Variants in MYO5A observed in about 807,000 individuals in gnomAD.
MYO5A encodes unconventional myosin-Va.
A neutral mutation model predicts 249.7 loss-of-function variants in MYO5A; 98 were observed. That is an observed-to-expected ratio of 0.39 (90% CI 0.33 to 0.46). The LOEUF (loss-of-function observed/expected upper bound fraction) is 0.46. Among genes scored for constraint, MYO5A ranks in the 20% least tolerant of loss-of-function variants. The probability of loss-of-function intolerance (pLI) is 0.98; values close to 1 mark genes in which losing one functional copy is unlikely to be tolerated. For synonymous variants in MYO5A, 778 were observed against 810.6 expected (o/e 0.96, Z 0.68); for missense variants, 1,696 against 2,308.8 (o/e 0.73, Z 5.44).
chr15:52,334,233 T>G (rs1383459926), intron 34 of MYO5A, among the ~76,000 whole-genome samples: 1 of 152,220 alleles, frequency 6.6e-6, no homozygotes, highest in Non-Finnish European at 1.5e-5. Flanking sequence ...TGTAAAATAA[T>G]GAATGGCTTT....
At chr15:52,328,750 C>T (rs1211613151) in intron 35 of MYO5A, among the ~76,000 whole-genome samples, 1 of 152,202 alleles carries the variant, frequency 6.6e-6, no homozygotes, top group Non-Finnish European at 1.5e-5. Flanking sequence ...AAATCCTCAC[C>T]ATAGCATAGG....
chr15:52,360,599 T>C (rs1324204581), intron 24 of MYO5A, among the ~76,000 whole-genome samples: 1 of 152,198 alleles, frequency 6.6e-6, no homozygotes, highest in Admixed American at 6.5e-5. Flanking sequence ...TGAAGTTAAA[T>C]CTTTGGAGTG....
Position 52,386,617 on chromosome 15 carries a change from G to A in MYO5A, c.1752+1212C>T, listed in dbSNP as rs537646497. ...GGCTGGAGTACAGTGGCACAATTAC[G>A]GCTCACTGCAGCCTCAACCTCCCAG... On this transcript the variant is annotated intron_variant, in intron 14 of 41. Coordinates refer to ENST00000399233, the MANE Select transcript of MYO5A (RefSeq NM_001382347.1). Among the ~76,000 whole-genome samples, 27 of 151,288 alleles carry A rather than the reference G, an allele frequency of 1.8e-4. 1 individual carries two copies. The South Asian group carries it at 2.5e-3, about 14-fold the overall frequency.
intron 16 of MYO5A, among the ~76,000 whole-genome samples, chr15:52,381,972 G>A (rs944880454): frequency 2.6e-5 from 4 of 152,156 alleles, no homozygotes; most frequent in African/African-American, 9.6e-5. Flanking sequence ...GAGTGATCTC[G>A]GCTCACTGCA....
chr15:52,364,508 T>A (rs1349279236), intron 24 of MYO5A, 46 bp downstream of exon 24: 2 of 1,551,602 alleles, frequency 1.3e-6, no homozygotes, highest in Non-Finnish European at 1.8e-6. Flanking sequence ...CTTTTGTATA[T>A]GTTTAAAATT....
intron 1 of MYO5A, among the ~76,000 whole-genome samples, chr15:52,434,134 G>C (rs959922493): frequency 5.3e-5 from 8 of 151,774 alleles, no homozygotes; most frequent in African/African-American, 1.7e-4. Flanking sequence ...CGAGTAGCTG[G>C]GACTACAGGC....
At position 52,343,098 on chromosome 15, in the gene MYO5A, T is replaced by G. The variant is rs779580905; in HGVS notation, c.4040+19A>C. On this transcript the variant is annotated intron_variant, in intron 31 of 41. Transcript: ENST00000399233. ...AACAACAAATTAATAACATTCCATTTTGAGGAGACAAATATAACCTGTTGG... is the reference window on the plus strand; with the variant it reads ...AACAACAAATTAATAACATTCCATTGTGAGGAGACAAATATAACCTGTTGG... 6.3e-7 allele frequency: 1 copy of G among 1,593,402 alleles called. No homozygotes were observed. Among genetic ancestry groups the G allele is most frequent in the Non-Finnish European group, 8.6e-7 (1 of 1,161,322 alleles).
intron 1 of MYO5A, among the ~76,000 whole-genome samples, chr15:52,484,685 C>T (rs1416443346): frequency 8.5e-5 from 13 of 152,072 alleles, no homozygotes; most frequent in Admixed American, 8.5e-4. Context: ...CGCTCTGTCC[C>T]CCAGGCTGGA....
At chr15:52,469,338 T>C (rs1198350016) in intron 1 of MYO5A, among the ~76,000 whole-genome samples, 1 of 152,310 alleles carries the variant, frequency 6.6e-6, no homozygotes, top group East Asian at 1.9e-4. Context: ...TGTATTAAAA[T>C]ACCATATTTT....
chr15:52,397,854 T>C (rs1336657090), intron 9 of MYO5A, among the ~76,000 whole-genome samples: 2 of 152,150 alleles, frequency 1.3e-5, no homozygotes, highest in Non-Finnish European at 2.9e-5. Flanking sequence ...TTATAGTCAC[T>C]TGGGGAAATG....
At chr15:52,365,357 C>G (rs1387140069) in intron 23 of MYO5A, among the ~76,000 whole-genome samples, 1 of 152,202 alleles carries the variant, frequency 6.6e-6, no homozygotes, top group African/African-American at 2.4e-5. Flanking sequence ...CCTACACCCT[C>G]AGCCCTCTTT....
At chr15:52,339,451 C>T (rs1391177839) in intron 32 of MYO5A, among the ~76,000 whole-genome samples, 1 of 143,568 alleles carries the variant, frequency 7.0e-6, no homozygotes, top group Non-Finnish European at 1.5e-5. Context: ...ATATATTTGT[C>T]AAAAAACTGT....
At chr15:52,490,448 A>G (rs1186566888) in intron 1 of MYO5A, among the ~76,000 whole-genome samples, 1 of 152,196 alleles carries the variant, frequency 6.6e-6, no homozygotes, top group Non-Finnish European at 1.5e-5. Flanking sequence ...GACATGGATG[A>G]ACCTTGAGGA....
chr15:52,401,074 CTTT>C (rs61604681), intron 9 of MYO5A, among the ~76,000 whole-genome samples: 2 of 136,064 alleles, frequency 1.5e-5, no homozygotes, highest in Admixed American at 7.5e-5. Flanking sequence ...TTCTCATAAG[CTTT>C]TTTTTTTTTT....
At chr15:52,330,067 G>A (rs754810789) in intron 35 of MYO5A, among the ~76,000 whole-genome samples, 1 of 151,280 alleles carries the variant, frequency 6.6e-6, no homozygotes, top group Admixed American at 6.6e-5. Context: ...AAGAGGGAGA[G>A]AGATACATCA....
chr15:52,401,366 G>A (rs1384815440), intron 9 of MYO5A, among the ~76,000 whole-genome samples: 3 of 152,130 alleles, frequency 2.0e-5, no homozygotes, highest in African/African-American at 2.4e-5. Flanking sequence ...TACCACGCCT[G>A]GCCTCTCATA....
intron 1 of MYO5A, among the ~76,000 whole-genome samples, chr15:52,485,776 G>A (rs533825862): frequency 2.0e-5 from 3 of 152,210 alleles, no homozygotes; most frequent in East Asian, 1.9e-4. Flanking sequence ...CAAGAATAAA[G>A]ATTTTTTAGC....
At chr15:52,316,876 A>G (rs1480754066) in intron 40 of MYO5A, among the ~76,000 whole-genome samples, 172 bp downstream of exon 40, 2 of 152,202 alleles carry the variant, frequency 1.3e-5, no homozygotes, top group African/African-American at 2.4e-5. Flanking sequence ...ACTGAAATGT[A>G]TTAATTTCTG....
intron 1 of MYO5A, among the ~76,000 whole-genome samples, chr15:52,512,160 CAAA>C (rs535878540): frequency 1.1e-5 from 1 of 93,476 alleles, no homozygotes. Context: ...AAGACTGTCT[CAAA>C]AAAAAAAAAA....
Sources: gnomAD v4.1 joint callset for allele counts (sites outside exome capture counted in the v4.1 genomes callset) on GRCh38, gnomAD v4.1.1 for gene constraint, MANE v1.5 for transcripts, NCBI Gene and HGNC (gene_info 2026-07-23, HGNC 2026-07-21) for gene names.